BPTF: variants seen among roughly 807,000 people sequenced by gnomAD.
The protein encoded by BPTF is bromodomain PHD finger transcription factor, also known as nucleosome-remodeling factor subunit BPTF.
In BPTF, 18 loss-of-function variants were observed where a neutral mutation model predicts 292.5. The observed-to-expected ratio is 0.06, with a 90% confidence interval of 0.04 to 0.09. The LOEUF (loss-of-function observed/expected upper bound fraction) is 0.09. BPTF is among the 10% of genes least tolerant of loss of function. The pLI is 1.00. For missense variants in BPTF, 2,726 were observed against 3,498.7 expected, an observed-to-expected ratio of 0.78 and a Z score of 5.57; for synonymous variants, 1,225 against 1,251.9, an observed-to-expected ratio of 0.98 and a Z score of 0.45.
chr17:67,918,971 G>A lies in BPTF; in HGVS notation c.5428+133G>A, dbSNP rs1031043599. ...GTGGATCATGAGGTCAGGAGATCCTGACCATCCTGGCTAACATGGTGAAAC... is the reference window on the plus strand; with the variant it reads ...GTGGATCATGAGGTCAGGAGATCCTAACCATCCTGGCTAACATGGTGAAAC... On this transcript the variant is annotated intron_variant, in intron 12 of 27. Transcript: ENST00000306378. The A allele has an allele frequency of 1.8e-5, 16 of 865,318 alleles. No homozygotes were observed. In the African/African-American group the frequency reaches 2.8e-4, roughly 15 times the overall value. 53.6% of individuals were successfully genotyped at this position (865,318 alleles called of 1,614,324 possible). A position where few individuals can be genotyped will look rare whatever the true frequency, so the allele number is the denominator to read the frequency against.
intron 26 of BPTF, among the ~76,000 whole-genome samples, chr17:67,970,095 TG>T (rs761333658): frequency 1.0e-3 from 157 of 152,128 alleles, no homozygotes; most frequent in Admixed American, 4.6e-3. Context: ...TAGCCAGGCG[TG>T]GTGGCACATG....
intron 1 of BPTF, among the ~76,000 whole-genome samples, chr17:67,844,070 CTTTTTTTTTTTTTT>C (rs35407119): frequency 2.1e-5 from 2 of 94,354 alleles, no homozygotes; most frequent in South Asian, 4.1e-4. Context: ...CGGCCCCCGC[CTTTTTTTTTTTTTT>C]TTTTTTTTTT....
At chr17:67,961,847 A>T (rs556954982) in intron 24 of BPTF, among the ~76,000 whole-genome samples, 8 of 151,954 alleles carry the variant, frequency 5.3e-5, no homozygotes, top group African/African-American at 4.8e-5. Flanking sequence ...GGTGGCACAC[A>T]CCTGTAATCC....
chr17:67,845,424 C>G (rs908943803), intron 1 of BPTF, among the ~76,000 whole-genome samples: 4 of 152,206 alleles, frequency 2.6e-5, no homozygotes, highest in Non-Finnish European at 5.9e-5. Flanking sequence ...CTTTCTTCCT[C>G]TCTCCCTTTG....
intron 1 of BPTF, among the ~76,000 whole-genome samples, chr17:67,853,730 C>G (rs181510158): frequency 1.3e-4 from 19 of 151,916 alleles, no homozygotes; most frequent in African/African-American, 4.6e-4. Context: ...TTTTTTACTT[C>G]TGGTTTATAA....
At position 67,825,857 on chromosome 17, in the gene BPTF, G is replaced by A. The variant is rs1329386930; in HGVS notation, c.133G>A (p.Gly45Ser). The stretch of plus-strand genomic sequence containing the variant: ...CGGGGGGCTCCGCTCGCGGCACCGC[G>A]GCAGCAGCCGGGGCAGGTGGGCCGC... ...PIGGLRSRHRGSSRGRWAAAQ... is the reference protein window; with the variant it reads ...PIGGLRSRHRSSSRGRWAAAQ... Residue 45 changes from glycine (G) to serine (S), a missense_variant, in exon 1 of 28, where the codon GGC becomes AGC. This residue lies in a region of BPTF where 103 missense variants were observed against 72.1 expected (regional missense o/e 1.43). Transcript: ENST00000306378. 8 of 1,013,838 alleles carry A rather than the reference G, an allele frequency of 7.9e-6. No homozygotes were observed. The highest frequency in any genetic ancestry group is 9.4e-6 in the Non-Finnish European group (8 of 850,424). 62.8% of individuals were successfully genotyped at this position (1,013,838 alleles called of 1,614,324 possible).
chr17:67,869,949 C>T (rs1445540725), intron 3 of BPTF, among the ~76,000 whole-genome samples: 1 of 147,116 alleles, frequency 6.8e-6, no homozygotes, highest in East Asian at 2.0e-4. Context: ...TTGCAGTGAG[C>T]CGAGTGAGCC....
intron 8 of BPTF, 141 bp from the exon 9 acceptor site, chr17:67,904,561 C>A: frequency 3.5e-6 from 2 of 568,144 alleles, no homozygotes; most frequent in Non-Finnish European, 5.7e-6. Context: ...TTTTTGTCCC[C>A]ACTTGGAAAA....
chr17:67,935,349 C>T (rs1266312851), intron 18 of BPTF, among the ~76,000 whole-genome samples: 1 of 152,044 alleles, frequency 6.6e-6, no homozygotes, highest in African/African-American at 2.4e-5. Flanking sequence ...ATCACATGGG[C>T]CCAAGAGGTC....
chr17:67,825,764 G>T lies in BPTF; in HGVS notation c.40G>T (p.Ala14Ser). 1 of 1,046,740 alleles carries T rather than the reference G, an allele frequency of 9.6e-7. No individual in the cohort carries two copies. The highest frequency in any genetic ancestry group is 1.1e-6 in the Non-Finnish European group (1 of 871,856). The allele number at this position is 1,046,740 out of a possible 1,614,324, so 64.8% of individuals were successfully genotyped here. The change falls in exon 1 of 28, where the codon GCT becomes TCT. Residue 14 changes from alanine (A) to serine (S), a missense_variant. Transcript: ENST00000306378. ...GGGCAGGCCGCCCAAGCAGCCCGCGGCTCCCGCTGCGGAGCGCTGCGCCCC... is the reference window on the plus strand; with the variant it reads ...GGGCAGGCCGCCCAAGCAGCCCGCGTCTCCCGCTGCGGAGCGCTGCGCCCC... ...RRGRPPKQPA[A>S]PAAERCAPAP...
intron 1 of BPTF, among the ~76,000 whole-genome samples, chr17:67,850,778 T>C (rs1881810280): frequency 6.6e-6 from 1 of 152,248 alleles, no homozygotes; most frequent in Non-Finnish European, 1.5e-5. Flanking sequence ...ACTGTTTTCC[T>C]GTTGATGGAC....
At position 67,929,504 on chromosome 17, in the gene BPTF, A is replaced by G. The variant is rs1339753480; in HGVS notation, c.6150+17A>G. ...AATTCACAAGTAAGAATTCTTACAG[A>G]CTTATTTGGTTTGATGTGTTGAGCA... On this transcript the variant is annotated intron_variant, in intron 17 of 27. Coordinates refer to ENST00000306378, the MANE Select transcript of BPTF (RefSeq NM_182641.4). 1 of 1,612,628 alleles carries G rather than the reference A, an allele frequency of 6.2e-7. No individual in the cohort carries two copies. The highest frequency in any genetic ancestry group is 8.5e-7 in the Non-Finnish European group (1 of 1,179,218).
Position 67,945,772 on chromosome 17 carries a change from C to T in BPTF, c.7064C>T (p.Thr2355Ile). 1 of 1,614,176 alleles carries T rather than the reference C, an allele frequency of 6.2e-7. No homozygotes were observed. The highest frequency in any genetic ancestry group is 8.5e-7 in the Non-Finnish European group (1 of 1,180,030). The change falls in exon 21 of 28, where the codon ACT becomes ATT. Residue 2355 changes from threonine to isoleucine, a missense_variant. Coordinates refer to ENST00000306378, the MANE Select transcript of BPTF (RefSeq NM_182641.4). ...SPSQTRIRPS[T>I]PSQLSPGQQS... ...TCACAGACTCGAATACGTCCATCAA[C>T]TCCATCCCAACTGTCTCCTGGACAA...
intron 11 of BPTF, among the ~76,000 whole-genome samples, chr17:67,918,031 C>T (rs922596279): frequency 1.3e-5 from 2 of 151,910 alleles, no homozygotes; most frequent in African/African-American, 2.4e-5. Context: ...AATCTCCTGA[C>T]CTTGTGATCT....
At chr17:67,884,063 T>C (rs938041051) in intron 4 of BPTF, among the ~76,000 whole-genome samples, 4 of 152,150 alleles carry the variant, frequency 2.6e-5, no homozygotes, top group Non-Finnish European at 4.4e-5. Context: ...CCTCAGTTCT[T>C]GCTACAATGC....
rs78527639 is a variant in BPTF at position 67,970,707 on chromosome 17, G to A, written c.8539+4051G>A. Among the ~76,000 whole-genome samples, 195 of 152,186 alleles carry A rather than the reference G, an allele frequency of 1.3e-3. 3 individuals carry two copies. In the East Asian group the frequency reaches 0.03, roughly 23 times the overall value. ...ACTTTTATATTCTTAAATAGAAATA[G>A]GTTTAAATGAATTATGTTTGCTAAT... On this transcript the variant is annotated intron_variant, in intron 26 of 27. Transcript: ENST00000306378.
At chr17:67,885,513 C>T (rs2060694700) in intron 4 of BPTF, among the ~76,000 whole-genome samples, 1 of 152,176 alleles carries the variant, frequency 6.6e-6, no homozygotes, top group Admixed American at 6.5e-5. Flanking sequence ...TCTCTTGAAC[C>T]TGGGAGGTGG....
chr17:67,888,584 C>T (rs1242129999), intron 4 of BPTF, among the ~76,000 whole-genome samples: 10 of 112,036 alleles, frequency 8.9e-5, no homozygotes, highest in Non-Finnish European at 1.5e-4. Flanking sequence ...AACGAGACTC[C>T]GTCTCAAAAA....
At chr17:67,856,264 A>G (rs1429553205) in intron 2 of BPTF, among the ~76,000 whole-genome samples, 1 of 151,938 alleles carries the variant, frequency 6.6e-6, no homozygotes. Context: ...CCTTTCTGCT[A>G]CCATATTTTT....
Sources: gnomAD v4.1 joint callset for allele counts (sites outside exome capture counted in the v4.1 genomes callset) on GRCh38, gnomAD v4.1.1 for gene constraint, gnomAD v4.1.1 regional missense constraint, MANE v1.5 for transcripts, NCBI Gene and HGNC (gene_info 2026-07-23, HGNC 2026-07-21) for gene names.